TRIM51: variants seen among roughly 807,000 people sequenced by gnomAD.
TRIM51 encodes tripartite motif-containing protein 51.
Under a neutral mutation model 32.7 loss-of-function variants are expected in TRIM51, and 23 were observed. The ratio of observed to expected loss-of-function variants is 0.70; its 90% CI spans 0.51 to 1.00. The LOEUF is 1.00. Among genes scored for constraint, TRIM51 ranks in the 50% least tolerant of loss-of-function variants. The probability of loss-of-function intolerance (pLI) is 0.00; values close to 1 mark genes in which losing one functional copy is unlikely to be tolerated. For synonymous variants in TRIM51, 177 were observed against 181.9 expected (o/e 0.97, Z 0.22); for missense variants, 592 against 539.2 (o/e 1.10, Z -0.97).
intron 3 of TRIM51, among the ~76,000 whole-genome samples, chr11:55,886,430 C>A (rs1166052700): frequency 2.6e-5 from 4 of 152,184 alleles, no homozygotes; most frequent in South Asian, 2.1e-4. Context: ...CCCAAGCATG[C>A]TCATCTGTTT....
chr11:55,887,963 T>A (rs1854598210), intron 3 of TRIM51, 69 bp from the exon 4 acceptor site: 1 of 1,147,474 alleles, frequency 8.7e-7, no homozygotes, highest in Non-Finnish European at 1.3e-6. Context: ...TTTAGAATGC[T>A]AAGAGGAATC....
chr11:55,887,149 G>A (rs1854587767), intron 3 of TRIM51, among the ~76,000 whole-genome samples: 1 of 151,878 alleles, frequency 6.6e-6, no homozygotes, highest in Admixed American at 6.6e-5. Context: ...CTGGGGATGA[G>A]GGTTTGAGTT....
At position 55,891,085 on chromosome 11, in the gene TRIM51, T is replaced by A. The variant is rs1270169519; in HGVS notation, c.860-48T>A. 4 of 1,408,322 alleles carry A rather than the reference T, an allele frequency of 2.8e-6. No individual in the cohort carries two copies. The East Asian group carries it at 7.5e-5, about 26-fold the overall frequency. 87.2% of individuals were successfully genotyped at this position (1,408,322 alleles called of 1,614,324 possible). ...ACAACATTTCCCTCAAGAATTCTAA[T>A]TTCTATTAATTACATGTATCTATAT... On this transcript the variant is annotated intron_variant, in intron 6 of 6. Coordinates refer to ENST00000449290, the MANE Select transcript of TRIM51 (RefSeq NM_032681.4).
rs1415643797 is a variant in TRIM51, at chr11:55,888,064, A to C, written c.540A>C (p.Arg180Ser). Residue 180 changes from arginine (R) to serine (S), a missense_variant, in exon 4 of 7, where the codon AGA becomes AGC. Transcript: ENST00000449290. The stretch of plus-strand genomic sequence containing the variant: ...TGAGTTTAAGGATAGAAGCAATCAG[A>C]GCTGAATATCAGAAGATGCCTGCAT... ...DYVSLRIEAI[R>S]AEYQKMPAFL... The C allele has an allele frequency of 1.2e-6, 2 of 1,612,414 alleles. No homozygotes were observed. Among genetic ancestry groups the C allele is most frequent in the Non-Finnish European group, 8.5e-7 (1 of 1,178,692 alleles).
At chr11:55,889,878 G>C in intron 5 of TRIM51, 64 bp from the exon 6 acceptor site, 2 of 1,106,944 alleles carry the variant, frequency 1.8e-6, no homozygotes, top group Non-Finnish European at 2.8e-6. Context: ...TTTTAAATAA[G>C]AGTGGTGTTT....
At chr11:55,890,332 G>A (rs1048492662) in intron 6 of TRIM51, among the ~76,000 whole-genome samples, 4 of 152,256 alleles carry the variant, frequency 2.6e-5, no homozygotes, top group Non-Finnish European at 5.9e-5. Context: ...TGCTCAGAAG[G>A]AAGCATAATA....
In TRIM51 at chr11:55,888,175, C is replaced by T. The variant is rs1854601423; in HGVS notation, c.651C>T (p.Ala217=). The T allele has an allele frequency of 6.2e-7, 1 of 1,613,506 alleles. No individual in the cohort carries two copies. The highest frequency in any genetic ancestry group is 1.3e-5 in the African/African-American group (1 of 74,896). ...TTCAGCAACTCAATGAAAGCAAAGCCAGAATGGAACATTCCAGGGAGCTTT... is the reference window on the plus strand; with the variant it reads ...TTCAGCAACTCAATGAAAGCAAAGCTAGAATGGAACATTCCAGGGAGCTTT... ...DIFQQLNESK[A]RMEHSRELLR... The change falls in exon 4 of 7, where the codon GCC becomes GCT. Residue 217 remains alanine, a synonymous_variant. Transcript: ENST00000449290.
intron 6 of TRIM51, 116 bp from the exon 7 acceptor site, chr11:55,891,017 C>T (rs965065303): frequency 8.0e-6 from 6 of 751,308 alleles, no homozygotes; most frequent in Non-Finnish European, 1.3e-5. Flanking sequence ...ATTCTCCTGT[C>T]CTTGTAACTT....
chr11:55,885,320 A>G (rs1854561272), intron 1 of TRIM51, 105 bp from the exon 2 acceptor site: 5 of 1,173,196 alleles, frequency 4.3e-6, no homozygotes, highest in Non-Finnish European at 6.3e-6. Flanking sequence ...GTTCCGCTTT[A>G]ATGAGCACTG....
At position 55,885,778 on chromosome 11, in the gene TRIM51, A is replaced by G. The variant is rs932849154; in HGVS notation, c.350A>G (p.Asn117Ser). 1 of 1,611,610 alleles carries G rather than the reference A, an allele frequency of 6.2e-7. No homozygotes were observed. The highest frequency in any genetic ancestry group is 1.7e-5 in the Admixed American group (1 of 59,968). The change falls in exon 2 of 7, where the codon AAC (asparagine) becomes AGC (serine). Residue 117 changes from asparagine to serine, a missense_variant. Asn to Ser is a conservative substitution (Grantham distance 46, BLOSUM62 1). Coordinates refer to ENST00000449290, the MANE Select transcript of TRIM51 (RefSeq NM_032681.4). ...DKSLLCLPCS[N>S]SQEHRNHIHC... ...AGCCTGCTCTGTTTGCCGTGCTCCA[A>G]CTCTCAGGAGCACCGGAATCACATA... is the stretch of plus-strand genomic sequence containing the variant.
In TRIM51 at chr11:55,888,278, G is replaced by A; in HGVS notation, c.738+16G>A. 1 of 1,586,348 alleles carries A rather than the reference G, an allele frequency of 6.3e-7. No homozygotes were observed. Among genetic ancestry groups the A allele is most frequent in the Non-Finnish European group, 8.6e-7 (1 of 1,156,136 alleles). On this transcript the variant is annotated intron_variant, in intron 4 of 6. Transcript: ENST00000449290. ...GCTACTCCAGGTATGGACTGACCATGGGGTATCATGATGTTGAACATTCAC... is the reference window on the plus strand; with the variant it reads ...GCTACTCCAGGTATGGACTGACCATAGGGTATCATGATGTTGAACATTCAC...
intron 3 of TRIM51, 152 bp from the exon 4 acceptor site, chr11:55,887,880 G>GAA (rs139492043): frequency 1.6e-4 from 101 of 638,784 alleles, no homozygotes; most frequent in Middle Eastern, 4.3e-4. Context: ...TATTAGTACA[G>GAA]AAAAAAAAAT....
rs765644141 is a variant in TRIM51 at position 55,891,634 on chromosome 11, C to T, written c.*2C>T. 1.4e-5 allele frequency: 23 copies of T among 1,612,786 alleles called. 1 individual carries two copies. The South Asian group carries it at 2.5e-4, about 18-fold the overall frequency. ...ATCTTTTGCTGTAGTCACTTCTGACCAGAGAAAAGTCAGAAATGTGCCTGT... is the reference window on the plus strand; with the variant it reads ...ATCTTTTGCTGTAGTCACTTCTGACTAGAGAAAAGTCAGAAATGTGCCTGT... On this transcript the variant is annotated 3_prime_UTR_variant, in exon 7 of 7. Transcript: ENST00000449290.
chr11:55,891,556 G>A lies in TRIM51; in HGVS notation c.1283G>A (p.Ser428Asn). 1 of 1,613,510 alleles carries A rather than the reference G, an allele frequency of 6.2e-7. No homozygotes were observed. Among genetic ancestry groups the A allele is most frequent in the Non-Finnish European group, 8.5e-7 (1 of 1,179,690 alleles). The change falls in exon 7 of 7, where the codon AGT becomes AAT. Residue 428 changes from serine to asparagine, a missense_variant. Ser to Asn is a conservative substitution (Grantham distance 46). Transcript: ENST00000449290. ...GTGAGCTTTGTTGATGTTGATCAAA[G>A]TTCCCTGATATACACCATCCCCAAT... The part of the protein sequence containing the change: ...RTVSFVDVDQ[S>N]SLIYTIPNCS...
intron 5 of TRIM51, among the ~76,000 whole-genome samples, chr11:55,889,715 A>G (rs1854623133): frequency 6.6e-6 from 1 of 152,206 alleles, no homozygotes; most frequent in Non-Finnish European, 1.5e-5. Context: ...AACTAGGAGC[A>G]ATACGAAGAA....
chr11:55,886,379 G>A lies in TRIM51; in HGVS notation c.507+161G>A, dbSNP rs146593066. Among the ~76,000 whole-genome samples, 119 of 152,306 alleles carry A rather than the reference G, an allele frequency of 7.8e-4. 2 individuals carry two copies. The highest frequency in any genetic ancestry group is 2.8e-3 in the African/African-American group (115 of 41,566). ...ACCCTAATTTTTTATATAAGTTAGT[G>A]TGACTCTTTGGTAGGATATCTAATC... is the stretch of plus-strand genomic sequence containing the variant. On this transcript the variant is annotated intron_variant, in intron 3 of 6. Coordinates refer to ENST00000449290, the MANE Select transcript of TRIM51 (RefSeq NM_032681.4).
chr11:55,891,299 T>A lies in TRIM51; in HGVS notation c.1026T>A (p.Tyr342Ter), dbSNP rs138830390. The change falls in exon 7 of 7, where the codon TAT (tyrosine) becomes TAA (stop). Residue 342 changes from tyrosine (Y) to a stop codon, truncating the protein, a stop_gained. Transcript: ENST00000449290. LOFTEE classifies it low-confidence loss of function (END_TRUNC). Reference protein sequence around the residue: ...GAQAFTSGKYYWEVHMGDSWN... With the variant: ...GAQAFTSGKY ...AGGCTTTCACATCTGGCAAATATTA[T>A]TGGGAGGTTCATATGGGGGACTCTT... 2 of 1,611,242 alleles carry A rather than the reference T, an allele frequency of 1.2e-6. No individual in the cohort carries two copies. The highest frequency in any genetic ancestry group is 2.2e-5 in the South Asian group (2 of 91,070).
chr11:55,890,627 A>G (rs1216809905), intron 6 of TRIM51, among the ~76,000 whole-genome samples: 1 of 152,148 alleles, frequency 6.6e-6, no homozygotes, highest in Admixed American at 6.5e-5. Flanking sequence ...TAGAGCTAGC[A>G]CGGATGTCCG....
At chr11:55,887,909 T>C in intron 3 of TRIM51, 123 bp from the exon 4 acceptor site, 3 of 755,092 alleles carry the variant, frequency 4.0e-6, no homozygotes, top group Non-Finnish European at 6.8e-6. Flanking sequence ...TAAAATTTTG[T>C]GGAATCTGAG....
Sources: allele counts gnomAD v4.1 joint callset (sites outside exome capture counted in the v4.1 genomes callset), GRCh38; gene constraint gnomAD v4.1.1; transcripts MANE v1.5; gene names NCBI Gene and HGNC (gene_info 2026-07-23, HGNC 2026-07-21).